The following ZNF804B variants were observed in gnomAD, a reference collection of about 807,000 sequenced individuals.
The protein encoded by ZNF804B is zinc finger protein 804B.
A neutral mutation model predicts 101.4 loss-of-function variants in ZNF804B; 80 were observed. The ratio of observed to expected loss-of-function variants is 0.79; its 90% CI spans 0.66 to 0.95. The LOEUF is 0.95. Among genes scored for constraint, ZNF804B ranks in the 40% least tolerant of loss-of-function variants. The pLI is 0.00. For missense variants in ZNF804B, 1,673 were observed against 1,561.9 expected, an observed-to-expected ratio of 1.07 and a Z score of -1.20; for synonymous variants, 622 against 558.8, an observed-to-expected ratio of 1.11 and a Z score of -1.59.
At chr7:89,075,019 A>G (rs1382982032) in intron 1 of ZNF804B, among the ~76,000 whole-genome samples, 3 of 152,150 alleles carry the variant, frequency 2.0e-5, no homozygotes, top group Non-Finnish European at 4.4e-5. Context: ...GGCAGAAAAA[A>G]TTTCTAAGCA....
At chr7:89,132,071 T>C (rs1304474156) in intron 1 of ZNF804B, among the ~76,000 whole-genome samples, 1 of 151,974 alleles carries the variant, frequency 6.6e-6, no homozygotes, top group East Asian at 1.9e-4. Flanking sequence ...AACTCAATAC[T>C]GTTCTCTTCA....
chr7:88,990,385 TTC>T (rs1438745508), intron 1 of ZNF804B, among the ~76,000 whole-genome samples: 1 of 152,048 alleles, frequency 6.6e-6, no homozygotes, highest in African/African-American at 2.4e-5. Flanking sequence ...CACACATACT[TTC>T]TCTCTCTCTG....
intron 1 of ZNF804B, among the ~76,000 whole-genome samples, chr7:89,138,713 A>G (rs766331538): frequency 6.6e-6 from 1 of 151,990 alleles, no homozygotes; most frequent in African/African-American, 2.4e-5. Flanking sequence ...AGGTAATTGA[A>G]TCATAGGGGG....
chr7:88,765,537 T>A (rs1358156930), intron 1 of ZNF804B, among the ~76,000 whole-genome samples: 16 of 151,794 alleles, frequency 1.1e-4, no homozygotes. Context: ...CAAATAACTA[T>A]CAAGTGCCTT....
rs1491443150 is a variant in ZNF804B, at chr7:89,156,001, TTC to T, written c.109-62152_109-62151del. ...TTCCTTCCTTCCTTTCCTTCTTTCT[TTC>T]TTTCTTTCTCTCTTTCCTTTCTTTC... is the stretch of plus-strand genomic sequence containing the variant. On this transcript the variant is annotated intron_variant, in intron 1 of 3. Transcript: ENST00000333190. Among the ~76,000 whole-genome samples the T allele has an allele frequency of 1.4e-4, 18 of 129,092 alleles. 1 individual carries two copies. Among genetic ancestry groups the T allele is most frequent in the Non-Finnish European group, 3.0e-4 (17 of 57,302 alleles). 84.7% of individuals were successfully genotyped at this position (129,092 alleles called of 152,430 possible).
intron 1 of ZNF804B, among the ~76,000 whole-genome samples, chr7:88,855,819 A>T (rs554846094): frequency 2.1e-3 from 327 of 152,340 alleles, no homozygotes; most frequent in African/African-American, 7.5e-3. Flanking sequence ...AGCTTTCTGC[A>T]TATGGCTAGC....
intron 1 of ZNF804B, among the ~76,000 whole-genome samples, chr7:88,776,555 GTTTTGTTTTT>G (rs1438586171): frequency 1.1e-4 from 12 of 106,492 alleles, no homozygotes; most frequent in East Asian, 4.9e-4. Context: ...TTCTCGTGGT[GTTTTGTTTTT>G]TTTTTTTTTT....
intron 2 of ZNF804B, among the ~76,000 whole-genome samples, chr7:89,280,879 G>A (rs1439292280): frequency 6.6e-6 from 1 of 152,132 alleles, no homozygotes; most frequent in African/African-American, 2.4e-5. Flanking sequence ...AATAGAAAAA[G>A]AGGGAATCCT....
intron 3 of ZNF804B, among the ~76,000 whole-genome samples, chr7:89,328,965 A>G (rs946368230): frequency 1.3e-5 from 2 of 151,688 alleles, no homozygotes; most frequent in Non-Finnish European, 3.0e-5. Flanking sequence ...TGATGATGAT[A>G]ATGATGCTGA....
At chr7:88,859,227 T>C (rs1791614160) in intron 1 of ZNF804B, among the ~76,000 whole-genome samples, 1 of 151,896 alleles carries the variant, frequency 6.6e-6, no homozygotes, top group Admixed American at 6.6e-5. Context: ...TGTTTCTGTA[T>C]GGGTAATATT....
chr7:88,972,389 T>G (rs911762907), intron 1 of ZNF804B, among the ~76,000 whole-genome samples: 2 of 151,466 alleles, frequency 1.3e-5, no homozygotes, highest in Admixed American at 1.3e-4. Flanking sequence ...AATCATGTAT[T>G]TATATGTCAG....
chr7:88,798,694 G>A (rs773906328), intron 1 of ZNF804B, among the ~76,000 whole-genome samples: 1 of 152,112 alleles, frequency 6.6e-6, no homozygotes, highest in Non-Finnish European at 1.5e-5. Flanking sequence ...TCAAGAGTAA[G>A]TTCTGACTAG....
intron 1 of ZNF804B, among the ~76,000 whole-genome samples, chr7:89,116,318 T>C (rs1790312489): frequency 6.6e-6 from 1 of 152,188 alleles, no homozygotes; most frequent in Non-Finnish European, 1.5e-5. Context: ...AAGACAGGTA[T>C]GGCTATTAAA....
chr7:88,989,387 A>G (rs1793810835), intron 1 of ZNF804B, among the ~76,000 whole-genome samples: 1 of 152,122 alleles, frequency 6.6e-6, no homozygotes, highest in Admixed American at 6.6e-5. Context: ...TTCCTATAAG[A>G]TAACAAAACA....
chr7:89,102,934 A>G (rs1049982268), intron 1 of ZNF804B, among the ~76,000 whole-genome samples: 1 of 151,618 alleles, frequency 6.6e-6, no homozygotes, highest in Non-Finnish European at 1.5e-5. Context: ...CATTTATTGA[A>G]TAGGATGTCC....
At position 89,167,066 on chromosome 7, in the gene ZNF804B, C is replaced by T. The variant is rs146974396; in HGVS notation, c.109-51089C>T. On this transcript the variant is annotated intron_variant, in intron 1 of 3. Transcript: ENST00000333190. ...GACTAATTTTTTGCATTTTTTAATG[C>T]ATTTATGACATACCTTTTTCCTTTT... Among the ~76,000 whole-genome samples, 676 of 152,026 alleles carry T rather than the reference C, an allele frequency of 4.4e-3. 7 individuals carry two copies. The highest frequency in any genetic ancestry group is 0.015 in the African/African-American group (639 of 41,484).
chr7:88,885,867 G>GCT (rs1279315200), intron 1 of ZNF804B, among the ~76,000 whole-genome samples: 1 of 151,864 alleles, frequency 6.6e-6, no homozygotes, highest in Non-Finnish European at 1.5e-5. Context: ...TGCATTATTA[G>GCT]TTATATTAGC....
chr7:88,849,162 G>A (rs1218595896), intron 1 of ZNF804B, among the ~76,000 whole-genome samples: 1 of 151,940 alleles, frequency 6.6e-6, no homozygotes, highest in East Asian at 1.9e-4. Flanking sequence ...TAGTCCTTTA[G>A]CCTTTTCTCA....
At chr7:88,784,827 C>G (rs1225660186) in intron 1 of ZNF804B, among the ~76,000 whole-genome samples, 2 of 152,094 alleles carry the variant, frequency 1.3e-5, no homozygotes, top group Non-Finnish European at 2.9e-5. Context: ...GTTGAGTATT[C>G]TCCTCTTTAG....
Sources: gnomAD v4.1 joint callset for allele counts (sites outside exome capture counted in the v4.1 genomes callset) on GRCh38, gnomAD v4.1.1 for gene constraint, MANE v1.5 for transcripts, NCBI Gene and HGNC (gene_info 2026-07-23, HGNC 2026-07-21) for gene names.